The following SDC3 variants were observed in gnomAD, a reference collection of about 807,000 sequenced individuals.
SDC3 encodes the protein syndecan 3, also known as syndecan-3.
A neutral mutation model predicts 24.4 loss-of-function variants in SDC3; 13 were observed. That is an observed-to-expected ratio of 0.53 (90% CI 0.35 to 0.85). The LOEUF (loss-of-function observed/expected upper bound fraction) is 0.85, where lower values mean the gene tolerates loss of function less well. SDC3 is among the 40% of genes least tolerant of loss of function. The pLI, the probability that SDC3 is intolerant of heterozygous loss-of-function variation, is 0.01. For missense variants in SDC3, 571 were observed against 584.5 expected, an observed-to-expected ratio of 0.98 and a Z score of 0.24; for synonymous variants, 295 against 260.9, an observed-to-expected ratio of 1.13 and a Z score of -1.26.
intron 1 of SDC3, among the ~76,000 whole-genome samples, chr1:30,897,108 G>A (rs1638280493): frequency 2.0e-5 from 3 of 152,176 alleles, no homozygotes; most frequent in African/African-American, 7.2e-5. Flanking sequence ...CTGGAAGAAG[G>A]GTGTGGGAGG....
intron 3 of SDC3, 46 bp from the exon 4 acceptor site, chr1:30,874,634 A>T (rs766709236): frequency 6.4e-7 from 1 of 1,568,674 alleles, no homozygotes; most frequent in Non-Finnish European, 8.7e-7. Flanking sequence ...ACATGCATGC[A>T]TAACCCCCCA....
intron 1 of SDC3, among the ~76,000 whole-genome samples, chr1:30,882,987 A>C (rs939199072): frequency 2.0e-5 from 3 of 152,152 alleles, no homozygotes; most frequent in African/African-American, 7.2e-5. Context: ...AAAATGAATA[A>C]ATCAGTGTAG....
intron 2 of SDC3, 151 bp from the exon 3 acceptor site, chr1:30,877,316 G>T: frequency 9.7e-7 from 1 of 1,027,546 alleles, no homozygotes; most frequent in Non-Finnish European, 1.4e-6. Context: ...AAGGAGGAAG[G>T]CACAGCCCAG....
At chr1:30,893,439 C>A (rs1639938019) in intron 1 of SDC3, among the ~76,000 whole-genome samples, 1 of 151,964 alleles carries the variant, frequency 6.6e-6, no homozygotes, top group African/African-American at 2.4e-5. Context: ...CCCCACCTGG[C>A]CAATGCCAGC....
intron 1 of SDC3, among the ~76,000 whole-genome samples, chr1:30,903,191 C>T (rs1432950743): frequency 6.6e-6 from 1 of 152,140 alleles, no homozygotes; most frequent in Admixed American, 6.5e-5. Flanking sequence ...AGAGATGGAG[C>T]AGGAGGAACA....
At chr1:30,886,860 C>T (rs2124325492) in intron 1 of SDC3, among the ~76,000 whole-genome samples, 1 of 152,270 alleles carries the variant, frequency 6.6e-6, no homozygotes, top group South Asian at 2.1e-4. Flanking sequence ...AAAGGGATTG[C>T]CATTCCCATT....
At chr1:30,889,309 G>A (rs988650557) in intron 1 of SDC3, among the ~76,000 whole-genome samples, 1 of 152,162 alleles carries the variant, frequency 6.6e-6, no homozygotes. Context: ...TGCTTGGCTT[G>A]AGCCTCAGTT....
intron 1 of SDC3, among the ~76,000 whole-genome samples, chr1:30,890,985 C>A (rs893536648): frequency 2.6e-5 from 4 of 152,182 alleles, no homozygotes; most frequent in Non-Finnish European, 4.4e-5. Context: ...GGGGGACAGG[C>A]TCAGCCCAGA....
At chr1:30,894,803 G>A (rs762677142) in intron 1 of SDC3, among the ~76,000 whole-genome samples, 1 of 151,956 alleles carries the variant, frequency 6.6e-6, no homozygotes, top group Non-Finnish European at 1.5e-5. Flanking sequence ...ATTTCTGGGC[G>A]TGTGTGTCTG....
At chr1:30,875,250 C>T (rs1049703873) in intron 3 of SDC3, among the ~76,000 whole-genome samples, 4 of 152,242 alleles carry the variant, frequency 2.6e-5, no homozygotes, top group African/African-American at 9.6e-5. Flanking sequence ...CATGGAAAGG[C>T]AGGCCTGATG....
rs1389410659 is a variant in SDC3, at chr1:30,874,607, G to T, written c.871-19C>A. On this transcript the variant is annotated intron_variant, in intron 3 of 4. Coordinates refer to ENST00000339394, the MANE Select transcript of SDC3 (RefSeq NM_014654.4). ...TTGGGGTCTGCAGAGAGGGTGGCAT[G>T]AGCCCAGGACAACCACACATGCATG... is the stretch of plus-strand genomic sequence containing the variant. 1.6e-5 allele frequency: 25 copies of T among 1,610,108 alleles called. No homozygotes were observed. Among genetic ancestry groups the T allele is most frequent in the Non-Finnish European group, 2.1e-5 (25 of 1,177,938 alleles).
rs1398549372 is a variant in SDC3, at chr1:30,873,804, C to T, written c.1163-427G>A. 2.6e-5 allele frequency among the ~76,000 whole-genome samples: 4 copies of T among 152,182 alleles called. No homozygotes were observed. In the East Asian group the frequency reaches 5.8e-4, roughly 22 times the overall value. Reference sequence around the variant, plus strand: ...GGCAAAATGACTATCCCCATTCTACCGATGAAGAGAAGGAAGACTGGAGAG... The same window carrying T: ...GGCAAAATGACTATCCCCATTCTACTGATGAAGAGAAGGAAGACTGGAGAG... On this transcript the variant is annotated intron_variant, in intron 4 of 4. Transcript: ENST00000339394.
intron 1 of SDC3, among the ~76,000 whole-genome samples, chr1:30,893,310 C>CCA (rs1553139104): frequency 8.4e-6 from 1 of 118,722 alleles, no homozygotes; most frequent in Non-Finnish European, 1.8e-5. Context: ...GGAGCCCCCC[C>CCA]CCCCCCCACC....
chr1:30,902,011 A>G (rs1279729603), intron 1 of SDC3, among the ~76,000 whole-genome samples: 2 of 152,202 alleles, frequency 1.3e-5, no homozygotes, highest in African/African-American at 4.8e-5. Context: ...TTCAACCCTG[A>G]ATCAGCTGGC....
Position 30,874,289 on chromosome 1 carries a change from A to G in SDC3, c.1162+8T>C, listed in dbSNP as rs1262387620. The G allele has an allele frequency of 6.3e-7, 1 of 1,598,980 alleles. No individual in the cohort carries two copies. The highest frequency in any genetic ancestry group is 1.1e-5 in the South Asian group (1 of 89,804). On this transcript the variant is annotated splice_region_variant and intron_variant, in intron 4 of 4. Transcript: ENST00000339394. ...CAGGCTCCCCTTGGCCCAGACCCCA[A>G]GCCTCACCTACGAGCACCTCCTTCC...
intron 1 of SDC3, among the ~76,000 whole-genome samples, chr1:30,907,738 G>C (rs56053551): frequency 6.6e-6 from 1 of 151,814 alleles, no homozygotes; most frequent in East Asian, 1.9e-4. Context: ...CCCTCACTGA[G>C]TTGGCCACAC....
chr1:30,907,844 C>T (rs1196787391), intron 1 of SDC3, among the ~76,000 whole-genome samples: 3 of 152,244 alleles, frequency 2.0e-5, no homozygotes, highest in South Asian at 4.1e-4. Flanking sequence ...TTCCCGGGCC[C>T]ACTGCCCTGG....
intron 1 of SDC3, among the ~76,000 whole-genome samples, chr1:30,887,848 G>A (rs886483429): frequency 6.6e-6 from 1 of 152,160 alleles, no homozygotes; most frequent in African/African-American, 2.4e-5. Flanking sequence ...GGGATCCCAA[G>A]GCAGGCCCTG....
At chr1:30,874,268 C>G in intron 4 of SDC3, 29 bp downstream of exon 4, 1 of 1,560,536 alleles carries the variant, frequency 6.4e-7, no homozygotes, top group Non-Finnish European at 8.7e-7. Context: ...TCCTCCCAGG[C>G]TCCCCTTGGC....
Sources: allele counts gnomAD v4.1 joint callset (sites outside exome capture counted in the v4.1 genomes callset), GRCh38; gene constraint gnomAD v4.1.1; transcripts MANE v1.5; gene names NCBI Gene and HGNC (gene_info 2026-07-23, HGNC 2026-07-21).